The following PTH2R variants were observed in gnomAD, a reference collection of about 807,000 sequenced individuals.
PTH2R encodes the protein PTH2 receptor.
In PTH2R, 59 loss-of-function variants were observed where a neutral mutation model predicts 60.3. The ratio of observed to expected loss-of-function variants is 0.98; its 90% CI spans 0.79 to 1.22. The LOEUF (loss-of-function observed/expected upper bound fraction) is 1.22, where lower values mean the gene tolerates loss of function less well. Ranked by LOEUF, PTH2R falls within the 50% of genes most tolerant of loss-of-function variation. PTH2R has a pLI of 0.00. For missense variants in PTH2R, 749 were observed against 682.6 expected (o/e 1.10, Z -1.08); for synonymous variants, 256 against 243.8 (o/e 1.05, Z -0.47).
intron 9 of PTH2R, among the ~76,000 whole-genome samples, chr2:208,476,349 C>T (rs1703003150): frequency 6.6e-6 from 1 of 152,042 alleles, no homozygotes; most frequent in African/African-American, 2.4e-5. Context: ...ATTTTTCCCC[C>T]AGAGAAAAAT....
chr2:208,488,736 G>C (rs564850378), intron 10 of PTH2R, among the ~76,000 whole-genome samples: 1 of 152,236 alleles, frequency 6.6e-6, no homozygotes, highest in East Asian at 1.9e-4. Flanking sequence ...AAATATTCAG[G>C]CATGGTGGCA....
At chr2:208,375,817 A>G (rs894090431) in intron 1 of PTH2R, among the ~76,000 whole-genome samples, 3 of 152,086 alleles carry the variant, frequency 2.0e-5, no homozygotes, top group Non-Finnish European at 4.4e-5. Flanking sequence ...AGAGGGAGGA[A>G]CTGACAGGGA....
chr2:208,444,301 A>C (rs1340425605), intron 6 of PTH2R, among the ~76,000 whole-genome samples: 1 of 152,224 alleles, frequency 6.6e-6, no homozygotes, highest in African/African-American at 2.4e-5. Flanking sequence ...AGATATGTTA[A>C]ATGTTTATTG....
intron 1 of PTH2R, among the ~76,000 whole-genome samples, chr2:208,365,387 G>A (rs1188445292): frequency 1.3e-5 from 2 of 151,386 alleles, no homozygotes; most frequent in Non-Finnish European, 2.9e-5. Flanking sequence ...CTTTTTTTGT[G>A]TGTGAAAGGA....
At chr2:208,371,213 A>G (rs975477436) in intron 1 of PTH2R, among the ~76,000 whole-genome samples, 1 of 152,130 alleles carries the variant, frequency 6.6e-6, no homozygotes, top group African/African-American at 2.4e-5. Flanking sequence ...CCAGAAAGGC[A>G]TAAAGATTAC....
intron 1 of PTH2R, among the ~76,000 whole-genome samples, chr2:208,378,504 G>A (rs1700853486): frequency 6.6e-6 from 1 of 152,058 alleles, no homozygotes; most frequent in Non-Finnish European, 1.5e-5. Flanking sequence ...CCCTCAGAGT[G>A]GTGGTATTAG....
At chr2:208,406,642 G>A (rs982801883), upstream of PTH2R, among the ~76,000 whole-genome samples, 9 of 152,130 alleles carry the variant, frequency 5.9e-5, no homozygotes, top group African/African-American at 1.4e-4. Flanking sequence ...GCAGCGACAT[G>A]AGATCCTTTG....
intron 7 of PTH2R, 79 bp downstream of exon 7, chr2:208,444,966 C>T: frequency 2.9e-6 from 4 of 1,393,190 alleles, no homozygotes; most frequent in Non-Finnish European, 3.9e-6. Context: ...CATTAGCATC[C>T]CTACAGCCAT....
intron 1 of PTH2R, among the ~76,000 whole-genome samples, chr2:208,416,367 T>C (rs909130395): frequency 1.3e-5 from 2 of 152,348 alleles, no homozygotes; most frequent in Admixed American, 6.5e-5. Flanking sequence ...ATATATCATG[T>C]GTTATTGAAC....
intron 7 of PTH2R, among the ~76,000 whole-genome samples, chr2:208,446,822 T>C (rs1226663966): frequency 2.6e-5 from 4 of 152,262 alleles, no homozygotes; most frequent in Non-Finnish European, 5.9e-5. Context: ...ATTATTTATA[T>C]ATCTGACTCA....
chr2:208,402,613 G>A (rs2105825665), upstream of PTH2R, among the ~76,000 whole-genome samples: 2 of 152,154 alleles, frequency 1.3e-5, no homozygotes, highest in East Asian at 3.9e-4. Flanking sequence ...CAAATTAAAG[G>A]GTTGTTACTT....
At chr2:208,485,102 G>T (rs1270757993) in intron 10 of PTH2R, among the ~76,000 whole-genome samples, 5 of 152,122 alleles carry the variant, frequency 3.3e-5, no homozygotes, top group Non-Finnish European at 7.3e-5. Context: ...AAGAGTGAAG[G>T]ATTAATTCAA....
chr2:208,478,492 C>T (rs953048135), intron 9 of PTH2R, among the ~76,000 whole-genome samples: 4 of 152,182 alleles, frequency 2.6e-5, no homozygotes, highest in Admixed American at 2.0e-4. Context: ...CATCCTCACT[C>T]GAACACCCTT....
At chr2:208,468,753 C>T (rs1383287881) in intron 9 of PTH2R, among the ~76,000 whole-genome samples, 1 of 152,212 alleles carries the variant, frequency 6.6e-6, no homozygotes, top group Non-Finnish European at 1.5e-5. Flanking sequence ...TTCTTTTCAA[C>T]ATCACAGTAT....
At chr2:208,442,087 C>T (rs1702196085) in intron 4 of PTH2R, among the ~76,000 whole-genome samples, 1 of 152,096 alleles carries the variant, frequency 6.6e-6, no homozygotes. Flanking sequence ...AGTATGTGAA[C>T]AGAGAAAGCT....
chr2:208,371,918 A>T (rs1700709236), intron 1 of PTH2R, among the ~76,000 whole-genome samples: 1 of 152,002 alleles, frequency 6.6e-6, no homozygotes, highest in Non-Finnish European at 1.5e-5. Flanking sequence ...AAATCTCAAT[A>T]GTTGACACTG....
intron 1 of PTH2R, among the ~76,000 whole-genome samples, chr2:208,409,817 G>A (rs1040676421): frequency 4.6e-5 from 7 of 152,114 alleles, no homozygotes; most frequent in African/African-American, 1.4e-4. Context: ...TTATCACATG[G>A]TAATGAGGAC....
chr2:208,396,020 A>G (rs2125885253), intron 1 of PTH2R, among the ~76,000 whole-genome samples: 1 of 152,322 alleles, frequency 6.6e-6, no homozygotes, highest in South Asian at 2.1e-4. Flanking sequence ...ATCTACAACC[A>G]TCTGATCTTT....
chr2:208,487,250 C>G (rs1368053721), intron 10 of PTH2R, among the ~76,000 whole-genome samples: 1 of 152,150 alleles, frequency 6.6e-6, no homozygotes, highest in Non-Finnish European at 1.5e-5. Context: ...CACACTCACA[C>G]AGGTAGTTAA....
Sources: gnomAD v4.1 joint callset for allele counts (sites outside exome capture counted in the v4.1 genomes callset) on GRCh38, gnomAD v4.1.1 for gene constraint, MANE v1.5 for transcripts, NCBI Gene and HGNC (gene_info 2026-07-23, HGNC 2026-07-21) for gene names.